Variants in RPS6KA5 observed in about 807,000 individuals in gnomAD.
The protein encoded by RPS6KA5 is ribosomal protein S6 kinase A5, also known as ribosomal protein S6 kinase alpha-5.
A neutral mutation model predicts 85.5 loss-of-function variants in RPS6KA5; 27 were observed. The ratio of observed to expected loss-of-function variants is 0.32; its 90% CI spans 0.23 to 0.44. The LOEUF is 0.44. Ranked by LOEUF, RPS6KA5 falls within the 20% of genes least tolerant of loss-of-function variation. The pLI is 1.00. For synonymous variants in RPS6KA5, 334 were observed against 348.2 expected, an observed-to-expected ratio of 0.96 and a Z score of 0.46; for missense variants, 811 against 980.9, an observed-to-expected ratio of 0.83 and a Z score of 2.31.
At chr14:90,911,984 G>T (rs564883363) in intron 7 of RPS6KA5, among the ~76,000 whole-genome samples, 1 of 152,148 alleles carries the variant, frequency 6.6e-6, no homozygotes, top group African/African-American at 2.4e-5. Context: ...TGTGCCACTG[G>T]GGGTACTTCC....
chr14:90,904,239 A>G (rs1277894615), intron 8 of RPS6KA5, among the ~76,000 whole-genome samples: 2 of 152,228 alleles, frequency 1.3e-5, no homozygotes, highest in African/African-American at 2.4e-5. Context: ...TAAGCCAAAA[A>G]GAAAACAAAC....
chr14:91,006,813 C>A (rs1226464681), intron 1 of RPS6KA5, among the ~76,000 whole-genome samples: 1 of 152,168 alleles, frequency 6.6e-6, no homozygotes, highest in Non-Finnish European at 1.5e-5. Flanking sequence ...AGGTGATCCG[C>A]CTGCCTCAGC....
chr14:90,863,363 A>T lies in RPS6KA5; in HGVS notation c.*8711T>A, dbSNP rs114643642. 3.7e-3 allele frequency: 552 copies of T among 148,352 alleles called. 7 individuals are homozygous for T. Among genetic ancestry groups the T allele is most frequent in the African/African-American group, 0.013 (525 of 40,988 alleles). The allele number at this position is 148,352 out of a possible 1,614,324, so 9.2% of individuals were successfully genotyped here. ...AAAGAAAAAAATATATATATATAGA[A>T]TAGAAAAATATTGAATTCTTATTCT... On this transcript the variant is annotated 3_prime_UTR_variant, in exon 17 of 17. Coordinates refer to ENST00000614987, the MANE Select transcript of RPS6KA5 (RefSeq NM_004755.4).
rs1034523110 is a variant in RPS6KA5 at position 90,859,425 on chromosome 14, G to A, written c.*12649C>T. ...TAGTAATCAGACACTGGATTTCTCAGACAAGAGTTTTAAAATTACTTTGAT... is the reference window on the plus strand; with the variant it reads ...TAGTAATCAGACACTGGATTTCTCAAACAAGAGTTTTAAAATTACTTTGAT... On this transcript the variant is annotated 3_prime_UTR_variant, in exon 17 of 17. Transcript: ENST00000614987. The A allele has an allele frequency of 6.6e-6, 1 of 152,182 alleles. No individual in the cohort carries two copies. Among genetic ancestry groups the A allele is most frequent in the African/African-American group, 2.4e-5 (1 of 41,446 alleles). 9.4% of individuals were successfully genotyped at this position (152,182 alleles called of 1,614,324 possible).
intron 2 of RPS6KA5, among the ~76,000 whole-genome samples, chr14:90,989,590 T>C (rs1016694842): frequency 6.6e-6 from 1 of 152,166 alleles, no homozygotes; most frequent in Non-Finnish European, 1.5e-5. Flanking sequence ...ACAGGTACAT[T>C]TAAACATTTT....
chr14:91,024,634 C>T (rs1264076461), intron 1 of RPS6KA5, among the ~76,000 whole-genome samples: 1 of 152,158 alleles, frequency 6.6e-6, no homozygotes, highest in African/African-American at 2.4e-5. Flanking sequence ...GTCACATCTC[C>T]AAGGTACCAA....
At chr14:90,992,904 AC>A (rs746135620) in intron 2 of RPS6KA5, among the ~76,000 whole-genome samples, 4 of 152,142 alleles carry the variant, frequency 2.6e-5, no homozygotes, top group Non-Finnish European at 5.9e-5. Context: ...CAGGAAACTA[AC>A]TCCTGTCACC....
intron 1 of RPS6KA5, among the ~76,000 whole-genome samples, chr14:91,055,778 C>CA (rs1431088899): frequency 6.6e-6 from 1 of 152,140 alleles, no homozygotes; most frequent in African/African-American, 2.4e-5. Flanking sequence ...TCCAAAAAAA[C>CA]AAAACAACAA....
chr14:91,054,468 C>T (rs2043224344), intron 1 of RPS6KA5, among the ~76,000 whole-genome samples: 2 of 151,748 alleles, frequency 1.3e-5, no homozygotes. Context: ...GAAACCTCGT[C>T]TCTATTGAAA....
intron 1 of RPS6KA5, among the ~76,000 whole-genome samples, chr14:91,009,447 C>T (rs1268184878): frequency 6.6e-6 from 1 of 152,212 alleles, no homozygotes; most frequent in Non-Finnish European, 1.5e-5. Context: ...GACCGAGTCT[C>T]ACTATGTTGC....
Position 90,870,704 on chromosome 14 carries a change from A to G in RPS6KA5, c.*1370T>C, listed in dbSNP as rs981378522. On this transcript the variant is annotated 3_prime_UTR_variant, in exon 17 of 17. Transcript: ENST00000614987. ...AAACATGTTGGGCATTATCTCTTTA[A>G]GCATGATTCCTGTAAACAAAGCAAA... The G allele has an allele frequency of 1.3e-5, 2 of 152,402 alleles. No homozygotes were observed. The highest frequency in any genetic ancestry group is 4.8e-5 in the African/African-American group (2 of 41,416). The allele number at this position is 152,402 out of a possible 1,614,324, so 9.4% of individuals were successfully genotyped here.
intron 14 of RPS6KA5, among the ~76,000 whole-genome samples, chr14:90,885,480 G>A (rs1431408103): frequency 7.3e-6 from 1 of 137,034 alleles, no homozygotes; most frequent in East Asian, 2.1e-4. Flanking sequence ...GTGAACCCGG[G>A]AGGCGGAGCT....
chr14:91,056,501 T>G (rs990840717), intron 1 of RPS6KA5, among the ~76,000 whole-genome samples: 2 of 152,138 alleles, frequency 1.3e-5, no homozygotes, highest in African/African-American at 2.4e-5. Context: ...CTTTCCCATG[T>G]GGGAAAAGTG....
intron 1 of RPS6KA5, among the ~76,000 whole-genome samples, chr14:91,029,741 T>C (rs1326768836): frequency 6.6e-6 from 1 of 152,126 alleles, no homozygotes; most frequent in Non-Finnish European, 1.5e-5. Flanking sequence ...AAACCAGACA[T>C]TGTAAGGATT....
chr14:90,940,195 C>T (rs897743230), intron 5 of RPS6KA5, among the ~76,000 whole-genome samples: 13 of 152,144 alleles, frequency 8.5e-5, no homozygotes, highest in African/African-American at 3.1e-4. Context: ...AGATATGCAA[C>T]CCTTAAAGCT....
intron 3 of RPS6KA5, among the ~76,000 whole-genome samples, chr14:90,964,135 ATT>A (rs1247789970): frequency 2.6e-5 from 4 of 152,182 alleles, no homozygotes; most frequent in African/African-American, 9.6e-5. Context: ...CATTAGCACT[ATT>A]TCTAATTTTC....
At chr14:90,973,931 G>T (rs1398292378) in intron 3 of RPS6KA5, among the ~76,000 whole-genome samples, 6 of 148,892 alleles carry the variant, frequency 4.0e-5, no homozygotes, top group Non-Finnish European at 7.4e-5. Context: ...CCAGCTACTC[G>T]GGAGGCTGAG....
At chr14:90,998,008 A>G (rs931136701) in intron 2 of RPS6KA5, among the ~76,000 whole-genome samples, 3 of 30,648 alleles carry the variant, frequency 9.8e-5, no homozygotes, top group African/African-American at 1.5e-4. Context: ...ACTCTGTCTG[A>G]AAAAAAAAAA....
chr14:91,005,453 T>C (rs1180914355), intron 1 of RPS6KA5, among the ~76,000 whole-genome samples: 1 of 152,222 alleles, frequency 6.6e-6, no homozygotes, highest in Admixed American at 6.5e-5. Flanking sequence ...TTACATCTAC[T>C]GGCAAAGTAA....
Sources: allele counts gnomAD v4.1 joint callset (sites outside exome capture counted in the v4.1 genomes callset), GRCh38; gene constraint gnomAD v4.1.1; transcripts MANE v1.5; gene names NCBI Gene and HGNC (gene_info 2026-07-23, HGNC 2026-07-21).